The following FRRS1 variants were observed in gnomAD, a reference collection of about 807,000 sequenced individuals.
FRRS1 encodes the protein ferric chelate reductase 1, also known as ferric reductase 1.
In FRRS1, 51 loss-of-function variants were observed where a neutral mutation model predicts 70.7. The observed-to-expected ratio is 0.72, with a 90% confidence interval of 0.58 to 0.91. The LOEUF is 0.91. FRRS1 is among the 40% of genes least tolerant of loss of function. The probability of loss-of-function intolerance (pLI) is 0.00; values close to 1 mark genes in which losing one functional copy is unlikely to be tolerated. For synonymous variants in FRRS1, 225 were observed against 238.7 expected, an observed-to-expected ratio of 0.94 and a Z score of 0.53; for missense variants, 672 against 726.0, an observed-to-expected ratio of 0.93 and a Z score of 0.86.
intron 15 of FRRS1, 97 bp downstream of exon 15, chr1:99,710,709 C>A: frequency 9.6e-7 from 1 of 1,037,794 alleles, no homozygotes; most frequent in Non-Finnish European, 1.4e-6. Context: ...AGTGAGCTAA[C>A]AATGTAGCAG....
At chr1:99,762,895 T>C (rs1657177011) in intron 1 of FRRS1, among the ~76,000 whole-genome samples, 1 of 152,112 alleles carries the variant, frequency 6.6e-6, no homozygotes, top group Admixed American at 6.5e-5. Flanking sequence ...TTCTATTACA[T>C]TTGTCTAGTG....
intron 7 of FRRS1, among the ~76,000 whole-genome samples, chr1:99,730,747 G>A (rs904042699): frequency 1.3e-5 from 2 of 151,838 alleles, no homozygotes; most frequent in East Asian, 1.9e-4. Context: ...GGCGCCTGTA[G>A]TCCCAGCTAC....
At chr1:99,735,631 T>C (rs1375219803) in intron 7 of FRRS1, among the ~76,000 whole-genome samples, 2 of 152,202 alleles carry the variant, frequency 1.3e-5, no homozygotes, top group Admixed American at 6.5e-5. Flanking sequence ...TTAAACAGGA[T>C]TTCTCTGTAA....
intron 1 of FRRS1, among the ~76,000 whole-genome samples, chr1:99,759,541 G>A (rs1251484811): frequency 1.3e-5 from 2 of 152,194 alleles, no homozygotes; most frequent in African/African-American, 2.4e-5. Flanking sequence ...CACCTGCTGA[G>A]TAGCAGAGTT....
chr1:99,722,762 C>T, intron 9 of FRRS1, among the ~76,000 whole-genome samples: 1 of 152,282 alleles, frequency 6.6e-6, no homozygotes, highest in East Asian at 1.9e-4. Flanking sequence ...ATATCAGACG[C>T]ATTTTCATCA....
rs1292397742 is a variant in FRRS1, at chr1:99,720,935, A to C, written c.1007-1288T>G. 2.0e-5 allele frequency among the ~76,000 whole-genome samples: 3 copies of C among 152,112 alleles called. 1 individual carries two copies. The highest frequency in any genetic ancestry group is 1.3e-4 in the Admixed American group (2 of 15,258). The stretch of plus-strand genomic sequence containing the variant: ...AAAGTAACAAAATATAATCTGGGAA[A>C]CCAGAAAAAAAAGATCGATTAAAAA... On this transcript the variant is annotated intron_variant, in intron 9 of 16. Coordinates refer to ENST00000646001, the MANE Select transcript of FRRS1 (RefSeq NM_001361041.2).
chr1:99,712,423 G>A lies in FRRS1; in HGVS notation c.1416C>T (p.Asp472=). The change falls in exon 13 of 17, where the codon GAC becomes GAT. Residue 472 remains aspartate, a synonymous_variant. Coordinates refer to ENST00000646001, the MANE Select transcript of FRRS1 (RefSeq NM_001361041.2). The stretch of plus-strand genomic sequence containing the variant: ...TATAGAAAGGCTCTAAGTACCTTGG[G>A]TCATGTAAAGGTGGCCTGAAGACTG... ...LLAVFRPPLH[D]PRRQMFNWTH... 6.2e-7 allele frequency: 1 copy of A among 1,601,882 alleles called. No homozygotes were observed.
intron 10 of FRRS1, among the ~76,000 whole-genome samples, 200 bp downstream of exon 10, chr1:99,719,334 G>A (rs567685364): frequency 9.2e-5 from 14 of 151,444 alleles, no homozygotes; most frequent in South Asian, 2.1e-4. Context: ...GTGTGAACCC[G>A]GGAGGTGGAG....
intron 1 of FRRS1, among the ~76,000 whole-genome samples, chr1:99,764,751 C>T (rs1335945743): frequency 6.6e-6 from 1 of 152,180 alleles, no homozygotes; most frequent in Non-Finnish European, 1.5e-5. Flanking sequence ...AGAGACAATG[C>T]CACCAATATC....
At chr1:99,765,514 T>C (rs570129824) in intron 1 of FRRS1, 4 of 151,926 alleles carry the variant, frequency 2.6e-5, no homozygotes, top group African/African-American at 9.7e-5. Flanking sequence ...GGCAGGAGAA[T>C]TGCTTGAACC....
intron 1 of FRRS1, among the ~76,000 whole-genome samples, chr1:99,761,278 C>T (rs1001995349): frequency 1.3e-5 from 2 of 152,048 alleles, no homozygotes; most frequent in African/African-American, 4.8e-5. Context: ...AGGTGCATAC[C>T]ACCATGCCCA....
intron 7 of FRRS1, among the ~76,000 whole-genome samples, chr1:99,734,503 G>A (rs1655551766): frequency 2.8e-5 from 3 of 106,148 alleles, no homozygotes; most frequent in South Asian, 3.0e-4. Flanking sequence ...AGGGCTTATG[G>A]GTGTTCACTG....
chr1:99,747,961 T>C (rs1263344782), intron 3 of FRRS1: 1 of 152,632 alleles, frequency 6.6e-6, no homozygotes, highest in African/African-American at 2.4e-5. Flanking sequence ...AAATTCTTAT[T>C]GAATTACAAA....
At chr1:99,744,584 C>T (rs952003413) in intron 4 of FRRS1, among the ~76,000 whole-genome samples, 7 of 152,072 alleles carry the variant, frequency 4.6e-5, no homozygotes, top group African/African-American at 1.4e-4. Flanking sequence ...GTCGGGTGTT[C>T]AAGACCAGCC....
At chr1:99,724,053 G>C (rs1000918171) in intron 9 of FRRS1, among the ~76,000 whole-genome samples, 1 of 152,208 alleles carries the variant, frequency 6.6e-6, no homozygotes, top group African/African-American at 2.4e-5. Flanking sequence ...ATGAAAAAGA[G>C]ACTCCAAGCC....
chr1:99,732,664 T>C (rs1029917527), intron 7 of FRRS1, among the ~76,000 whole-genome samples: 3 of 152,098 alleles, frequency 2.0e-5, no homozygotes, highest in African/African-American at 7.2e-5. Context: ...AAGAAACAGG[T>C]AGTTTTGCTA....
Position 99,708,809 on chromosome 1 carries a change from C to T in FRRS1, c.*219G>A. On this transcript the variant is annotated 3_prime_UTR_variant, in exon 17 of 17. Transcript: ENST00000646001. The stretch of plus-strand genomic sequence containing the variant: ...TGAAGTACAATCTTTCCTTTAAGAC[C>T]CAGAATTACATATAGGGCATGACAT... The T allele has an allele frequency of 5.0e-6, 4 of 800,574 alleles. No homozygotes were observed. Among genetic ancestry groups the T allele is most frequent in the South Asian group, 4.1e-5 (2 of 48,962 alleles). 49.6% of individuals were successfully genotyped at this position (800,574 alleles called of 1,614,324 possible).
intron 8 of FRRS1, 48 bp downstream of exon 8, chr1:99,729,602 C>T (rs746747216): frequency 6.8e-6 from 8 of 1,176,030 alleles, no homozygotes; most frequent in East Asian, 4.7e-5. Context: ...AGCCACACAG[C>T]CGGAAAGCGG....
At chr1:99,763,366 C>A (rs534948635) in intron 1 of FRRS1, among the ~76,000 whole-genome samples, 26 of 152,160 alleles carry the variant, frequency 1.7e-4, no homozygotes, top group South Asian at 6.2e-4. Flanking sequence ...AATCTCTGTA[C>A]ACTATGCTCA....
Sources: gnomAD v4.1 joint callset for allele counts (sites outside exome capture counted in the v4.1 genomes callset) on GRCh38, gnomAD v4.1.1 for gene constraint, MANE v1.5 for transcripts, NCBI Gene and HGNC (gene_info 2026-07-23, HGNC 2026-07-21) for gene names.